Variants in ZSCAN18 observed in about 807,000 individuals in gnomAD.
ZSCAN18 encodes the protein zinc finger and SCAN domain-containing protein 18.
In ZSCAN18, 16 loss-of-function variants were observed where a neutral mutation model predicts 31.1. The ratio of observed to expected loss-of-function variants is 0.51; its 90% CI spans 0.35 to 0.78. The LOEUF (loss-of-function observed/expected upper bound fraction) is 0.78. Among genes scored for constraint, ZSCAN18 ranks in the 30% least tolerant of loss-of-function variants. ZSCAN18 has a pLI of 0.01. For missense variants in ZSCAN18, 731 were observed against 697.4 expected, an observed-to-expected ratio of 1.05 and a Z score of -0.54; for synonymous variants, 375 against 320.7, an observed-to-expected ratio of 1.17 and a Z score of -1.81.
At chr19:58,102,136 T>C (rs1193411369), upstream of ZSCAN18, among the ~76,000 whole-genome samples, 1 of 151,988 alleles carries the variant, frequency 6.6e-6, no homozygotes, top group Non-Finnish European at 1.5e-5. Context: ...GACGGTGACT[T>C]TTCCCTGTTT....
chr19:58,104,981 T>C (rs2074624598), intron 1 of ZSCAN18, among the ~76,000 whole-genome samples: 1 of 152,222 alleles, frequency 6.6e-6, no homozygotes, highest in Non-Finnish European at 1.5e-5. Context: ...AGTCAGTGCC[T>C]AGCTTCAAAG....
At chr19:58,116,729 G>A (rs1441282551) in intron 1 of ZSCAN18, among the ~76,000 whole-genome samples, 1 of 152,174 alleles carries the variant, frequency 6.6e-6, no homozygotes. Flanking sequence ...CCTAGGGCAT[G>A]TGAGGATTCT....
chr19:58,085,138 C>A lies in ZSCAN18; in HGVS notation c.1080G>T (p.Pro360=). ...QRQSVIQQPA[P]DRGTAKLGTK... The stretch of plus-strand genomic sequence containing the variant: ...TTCCCAGTTTCGCCGTGCCCCTGTC[C>A]GGGGCAGGCTGCTGGATGACGGACT... Residue 360 remains proline (P), a synonymous_variant, in exon 7 of 7, where the codon CCG becomes CCT. Coordinates refer to ENST00000601144, the MANE Select transcript of ZSCAN18 (RefSeq NM_001145543.2). 6.2e-7 allele frequency: 1 copy of A among 1,610,120 alleles called. No homozygotes were observed.
intron 3 of ZSCAN18, 39 bp downstream of exon 3, chr19:58,088,649 A>G (rs756137088): frequency 6.3e-7 from 1 of 1,595,110 alleles, no homozygotes; most frequent in Non-Finnish European, 8.5e-7. Context: ...CACCCCACCT[A>G]AGGCCCAGCA....
chr19:58,084,898 G>C lies in ZSCAN18; in HGVS notation c.1320C>G (p.Arg440=), dbSNP rs572306721. The C allele has an allele frequency of 6.3e-7, 1 of 1,594,096 alleles. No individual in the cohort carries two copies. The highest frequency in any genetic ancestry group is 1.3e-5 in the African/African-American group (1 of 74,698). ...EHHSSHGGRK[R]YACQGCWKTF... Reference sequence around the variant, plus strand: ...TCTTCCAGCAGCCCTGACAGGCGTAGCGCTTCCGGCCGCCATGGCTGCTGT... The same window carrying C: ...TCTTCCAGCAGCCCTGACAGGCGTACCGCTTCCGGCCGCCATGGCTGCTGT... Residue 440 remains arginine (R), a synonymous_variant, in exon 7 of 7, where the codon CGC becomes CGG. Coordinates refer to ENST00000601144, the MANE Select transcript of ZSCAN18 (RefSeq NM_001145543.2). This position sits in a 1 kb window ranked among gnomAD's most constrained non-coding sequence, Gnocchi z 4.5.
chr19:58,084,669 G>A lies in ZSCAN18; in HGVS notation c.*16C>T. 1 of 1,465,882 alleles carries A rather than the reference G, an allele frequency of 6.8e-7. No homozygotes were observed. Among genetic ancestry groups the A allele is most frequent in the Non-Finnish European group, 9.0e-7 (1 of 1,116,760 alleles). 90.8% of individuals were successfully genotyped at this position (1,465,882 alleles called of 1,614,324 possible). A position where few individuals can be genotyped will look rare whatever the true frequency, so the allele number is the denominator to read the frequency against. On this transcript the variant is annotated 3_prime_UTR_variant, in exon 7 of 7. Transcript: ENST00000601144. The surrounding 1 kb of genome is among the most constrained non-coding windows in gnomAD (Gnocchi z 4.5). ...GCCGGCAAAGCGGCCCCTCCGGAAC[G>A]GGACAGCACAGCGGCTCACCTCTGC...
chr19:58,097,243 G>T (rs945655693), intron 1 of ZSCAN18, among the ~76,000 whole-genome samples: 2 of 152,138 alleles, frequency 1.3e-5, no homozygotes, highest in African/African-American at 4.8e-5. Context: ...AAGGTAGCAG[G>T]GAGAGAGAAG....
chr19:58,111,836 G>C (rs1014787187), intron 1 of ZSCAN18, among the ~76,000 whole-genome samples: 2 of 152,162 alleles, frequency 1.3e-5, no homozygotes, highest in Non-Finnish European at 2.9e-5. Context: ...GAATTCATCA[G>C]TGTATTACAA....
intron 6 of ZSCAN18, 62 bp from the exon 7 acceptor site, chr19:58,085,441 A>C: frequency 7.0e-7 from 1 of 1,419,032 alleles, no homozygotes; most frequent in Non-Finnish European, 9.3e-7. Context: ...AGGAGGACCC[A>C]GCCGAGCCTC....
In ZSCAN18 at chr19:58,088,812, G is replaced by A. The variant is rs1482624675; in HGVS notation, c.429C>T (p.Gly143=). ...EPGMLLGSPA[G]SSSILSDGVY... Reference sequence around the variant, plus strand: ...CTCCATCGCTAAGAATTGAGGATGAGCCCGCAGGGGAGCCCAGCAGCATCC... The same window carrying A: ...CTCCATCGCTAAGAATTGAGGATGAACCCGCAGGGGAGCCCAGCAGCATCC... The change falls in exon 3 of 7, where the codon GGC becomes GGT. Residue 143 remains glycine (G), a synonymous_variant. Coordinates refer to ENST00000601144, the MANE Select transcript of ZSCAN18 (RefSeq NM_001145543.2). 2 of 1,612,658 alleles carry A rather than the reference G, an allele frequency of 1.2e-6. No homozygotes were observed. Among genetic ancestry groups the A allele is most frequent in the Non-Finnish European group, 1.7e-6 (2 of 1,179,660 alleles).
At position 58,111,470 on chromosome 19, in the gene ZSCAN18, A is replaced by G. The variant is rs983000831; in HGVS notation, c.130+6797T>C. 8.2e-4 allele frequency among the ~76,000 whole-genome samples: 124 copies of G among 151,922 alleles called. 1 individual carries two copies. Among genetic ancestry groups the G allele is most frequent in the Non-Finnish European group, 1.5e-4 (10 of 67,992 alleles). On this transcript the variant is annotated intron_variant, in intron 1 of 1. Transcript: ENST00000595721. ...CAATTAATCCTCTGCCTCAGTCTCC[A>G]AAGTAGCTAGGACTACAGGTATGCA... is the stretch of plus-strand genomic sequence containing the variant.
At chr19:58,102,485 C>A (rs1336511958), upstream of ZSCAN18, among the ~76,000 whole-genome samples, 2 of 151,856 alleles carry the variant, frequency 1.3e-5, no homozygotes, top group Non-Finnish European at 2.9e-5. Context: ...AACAAACAAA[C>A]AAACAAACCA....
chr19:58,086,393 C>A, intron 5 of ZSCAN18, 127 bp from the exon 6 acceptor site: 1 of 750,410 alleles, frequency 1.3e-6, no homozygotes, highest in Non-Finnish European at 2.2e-6. Context: ...GGACCCCCAC[C>A]AAGGCCACCT....
chr19:58,085,231 A>C lies in ZSCAN18; in HGVS notation c.987T>G (p.Pro329=). The C allele has an allele frequency of 6.2e-7, 1 of 1,607,836 alleles. No homozygotes were observed. Among genetic ancestry groups the C allele is most frequent in the Non-Finnish European group, 8.5e-7 (1 of 1,179,144 alleles). ...GGTCCTGCGGGTCCGGGGCCTTCCC[A>C]GGCTGCTCTTCCTCCTCCTCAGTGG... The part of the protein sequence containing the change: ...SGTTEEEEEQ[P]GKAPDPQDPQ... Residue 329 remains proline, a synonymous_variant, in exon 7 of 7, where the codon CCT becomes CCG. Coordinates refer to ENST00000601144, the MANE Select transcript of ZSCAN18 (RefSeq NM_001145543.2).
rs2074229985 is a variant in ZSCAN18, at chr19:58,084,846, C to T, written c.1372G>A (p.Glu458Lys). 3 of 1,599,386 alleles carry T rather than the reference C, an allele frequency of 1.9e-6. No individual in the cohort carries two copies. Among genetic ancestry groups the T allele is most frequent in the Non-Finnish European group, 8.5e-7 (1 of 1,175,004 alleles). Residue 458 changes from glutamate to lysine, a missense_variant, in exon 7 of 7, where the codon GAG becomes AAG. Physicochemically the swap from Glu to Lys is moderately conservative, Grantham distance 56. Around this residue, in one of 4 missense-constraint regions of ZSCAN18, gnomAD observed 597 missense variants for 499.5 expected, o/e 1.20. Coordinates refer to ENST00000601144, the MANE Select transcript of ZSCAN18 (RefSeq NM_001145543.2). This position sits in a 1 kb window ranked among gnomAD's most constrained non-coding sequence, Gnocchi z 4.5. The part of the protein sequence containing the change: ...KTFHFSLALA[E>K]HQKTHEKEKS... ...TCCTTCTCGTGGGTCTTCTGGTGCT[C>T]GGCTAGGGCCAGGCTGAAGTGGAAG...
chr19:58,101,287 C>A (rs2074591534), upstream of ZSCAN18, among the ~76,000 whole-genome samples: 1 of 148,368 alleles, frequency 6.7e-6, no homozygotes, highest in Non-Finnish European at 1.5e-5. Flanking sequence ...CGCCCGCCAC[C>A]ATGCCCAGCT....
intron 1 of ZSCAN18, among the ~76,000 whole-genome samples, chr19:58,114,526 GCA>G (rs747854816): frequency 1.6e-3 from 231 of 144,952 alleles, no homozygotes; most frequent in African/African-American, 5.2e-3. Context: ...ATACATATAC[GCA>G]CAGATAAATA....
At chr19:58,104,343 C>T (rs1415860860) in intron 1 of ZSCAN18, among the ~76,000 whole-genome samples, 1 of 151,014 alleles carries the variant, frequency 6.6e-6, no homozygotes, top group African/African-American at 2.5e-5. Context: ...CGTGCCACTG[C>T]ACTCCAGCCT....
At chr19:58,110,849 T>G (rs2074676925) in intron 1 of ZSCAN18, among the ~76,000 whole-genome samples, 2 of 152,226 alleles carry the variant, frequency 1.3e-5, no homozygotes, top group South Asian at 4.1e-4. Flanking sequence ...ACTCCATGTG[T>G]GTATGACAAT....
Sources: gnomAD v4.1 joint callset for allele counts (sites outside exome capture counted in the v4.1 genomes callset) on GRCh38, gnomAD v4.1.1 for gene constraint, gnomAD v4.1.1 regional missense constraint, Gnocchi (gnomAD v3.1) non-coding constraint, MANE v1.5 for transcripts, NCBI Gene and HGNC (gene_info 2026-07-23, HGNC 2026-07-21) for gene names.